The following STX17 variants were observed in gnomAD, a reference collection of about 807,000 sequenced individuals.
The protein encoded by STX17 is syntaxin-17.
In STX17, 29 loss-of-function variants were observed where a neutral mutation model predicts 35.9. The ratio of observed to expected loss-of-function variants is 0.81; its 90% CI spans 0.60 to 1.10. STX17 has a LOEUF of 1.10. STX17 is among the 50% of genes least tolerant of loss of function. The probability of loss-of-function intolerance (pLI) is 0.00; values close to 1 mark genes in which losing one functional copy is unlikely to be tolerated. For synonymous variants in STX17, 92 were observed against 118.3 expected (o/e 0.78, Z 1.44); for missense variants, 312 against 352.3 (o/e 0.89, Z 0.92).
chr9:99,960,408 A>G (rs185002219), intron 6 of STX17, among the ~76,000 whole-genome samples: 1 of 152,014 alleles, frequency 6.6e-6, no homozygotes, highest in Admixed American at 6.5e-5. Context: ...ATAGAAATAA[A>G]TGAAGCCCAT....
rs1040987604 is a variant in STX17 at position 99,972,614 on chromosome 9, C to CT, written c.*3942dup. ...GCCTTCCTGCCCTCCCTTAAGTGCT[C>CT]TAAGATTTTTGTACAGGAGTAAGAA... On this transcript the variant is annotated 3_prime_UTR_variant, in exon 8 of 8. Transcript: ENST00000259400. Among the ~76,000 whole-genome samples, 2 of 152,102 alleles carry CT rather than the reference C, an allele frequency of 1.3e-5. No individual in the cohort carries two copies. Among genetic ancestry groups the CT allele is most frequent in the African/African-American group, 4.8e-5 (2 of 41,412 alleles).
chr9:99,925,610 A>C (rs192028845), intron 2 of STX17, among the ~76,000 whole-genome samples: 1 of 152,226 alleles, frequency 6.6e-6, no homozygotes, highest in Non-Finnish European at 1.5e-5. Flanking sequence ...TTAAAAAACA[A>C]CTTTCTCTGG....
At chr9:99,938,892 A>C (rs1293937099) in intron 3 of STX17, among the ~76,000 whole-genome samples, 1 of 152,048 alleles carries the variant, frequency 6.6e-6, no homozygotes, top group African/African-American at 2.4e-5. Context: ...AATAGTGATG[A>C]TGTAGAACTT....
At chr9:99,918,808 T>G (rs1564058720) in intron 2 of STX17, among the ~76,000 whole-genome samples, 1 of 152,148 alleles carries the variant, frequency 6.6e-6, no homozygotes, top group Non-Finnish European at 1.5e-5. Flanking sequence ...CTGTTCAGTT[T>G]TAAGAAAGAG....
chr9:99,941,253 G>A (rs1327150020), intron 3 of STX17, among the ~76,000 whole-genome samples: 1 of 152,084 alleles, frequency 6.6e-6, no homozygotes, highest in East Asian at 1.9e-4. Context: ...GTGGCCTTGA[G>A]GATATATGAC....
At chr9:99,968,264 G>A (rs753295977) in intron 7 of STX17, among the ~76,000 whole-genome samples, 170 bp from the exon 8 acceptor site, 4 of 152,180 alleles carry the variant, frequency 2.6e-5, no homozygotes, top group Non-Finnish European at 4.4e-5. Context: ...TGGAGCAATT[G>A]CAGTACCTGT....
intron 6 of STX17, among the ~76,000 whole-genome samples, chr9:99,965,245 A>G (rs1564076263): frequency 6.7e-6 from 1 of 149,276 alleles, no homozygotes; most frequent in Non-Finnish European, 1.5e-5. Flanking sequence ...ATGAAAAAAT[A>G]TTTAAATTAT....
intron 2 of STX17, among the ~76,000 whole-genome samples, chr9:99,923,163 G>A (rs1015898247): frequency 6.6e-6 from 1 of 151,320 alleles, no homozygotes; most frequent in Non-Finnish European, 1.5e-5. Flanking sequence ...GGAGTATATG[G>A]GCAGGAATAT....
In STX17 at chr9:99,915,423, T is replaced by C. The variant is rs542531951; in HGVS notation, c.123+61T>C. 2.6e-6 allele frequency: 4 copies of C among 1,516,012 alleles called. No homozygotes were observed. In the East Asian group the frequency reaches 9.5e-5, roughly 36 times the overall value. 93.9% of individuals were successfully genotyped at this position (1,516,012 alleles called of 1,614,324 possible). A position where few individuals can be genotyped will look rare whatever the true frequency, so the allele number is the denominator to read the frequency against. On this transcript the variant is annotated intron_variant, in intron 2 of 7. Transcript: ENST00000259400. The stretch of plus-strand genomic sequence containing the variant: ...ACATAGTTTGATTTATATTGGTTGT[T>C]CATTTCAGCTAAATTTAGAATATTA...
At position 99,971,512 on chromosome 9, in the gene STX17, G is replaced by A. The variant is rs1830014585; in HGVS notation, c.*2839G>A. On this transcript the variant is annotated 3_prime_UTR_variant, in exon 8 of 8. Transcript: ENST00000259400. ...ACCAATGGGTTGCAACCCTTAGCTT[G>A]AAAAAAACACCCTCACAGAGGAACT... 6.6e-6 allele frequency among the ~76,000 whole-genome samples: 1 copy of A among 151,938 alleles called. No individual in the cohort carries two copies. Among genetic ancestry groups the A allele is most frequent in the African/African-American group, 2.4e-5 (1 of 41,368 alleles).
Position 99,968,587 on chromosome 9 carries a change from A to C in STX17, c.823A>C (p.Ile275Leu), listed in dbSNP as rs149538187. The C allele has an allele frequency of 2.5e-6, 4 of 1,613,840 alleles. No homozygotes were observed. In the African/African-American group the frequency reaches 5.3e-5, roughly 22 times the overall value. Residue 275 changes from isoleucine (I) to leucine (L), a missense_variant, in exon 8 of 8, where the codon ATA (isoleucine) becomes CTA (leucine). Physicochemically the swap from Ile to Leu is conservative, Grantham distance 5 (BLOSUM62 2). Coordinates refer to ENST00000259400, the MANE Select transcript of STX17 (RefSeq NM_017919.3). ...GTTGGGCTTCACAGGTGGAAAATTG[A>C]TACAAAGAAAGAAACAGAAAATGAT... ...GVLGFTGGKLIQRKKQKMMEK... is the reference protein window; with the variant it reads ...GVLGFTGGKLLQRKKQKMMEK...
chr9:99,921,887 T>C (rs1279090041), intron 2 of STX17, among the ~76,000 whole-genome samples: 1 of 152,094 alleles, frequency 6.6e-6, no homozygotes, highest in Non-Finnish European at 1.5e-5. Context: ...TTGTTTTTAT[T>C]TTCCTCTTAA....
chr9:99,971,288 CTT>C lies in STX17; in HGVS notation c.*2629_*2630del, dbSNP rs5899399. ...TGGATAAAGGCAGCAATCCTAAGGA[CTT>C]TTTTTTTTTTTTTAACATAATCTGA... On this transcript the variant is annotated 3_prime_UTR_variant, in exon 8 of 8. Transcript: ENST00000259400. Among the ~76,000 whole-genome samples, 57,747 of 147,064 alleles carry C rather than the reference CTT, an allele frequency of 0.39. 12,250 individuals are homozygous for C. Among genetic ancestry groups the C allele is most frequent in the East Asian group, 0.69 (3,464 of 5,022 alleles).
intron 4 of STX17, among the ~76,000 whole-genome samples, chr9:99,952,423 C>T (rs906704767): frequency 5.9e-5 from 9 of 152,308 alleles, no homozygotes; most frequent in Non-Finnish European, 1.3e-4. Flanking sequence ...CACTTTTACA[C>T]TGTTGGTGGG....
At chr9:99,955,327 C>G (rs1404894049) in intron 4 of STX17, among the ~76,000 whole-genome samples, 1 of 151,922 alleles carries the variant, frequency 6.6e-6, no homozygotes, top group Non-Finnish European at 1.5e-5. Flanking sequence ...TTTTATGAAA[C>G]ATGTAGATGG....
At chr9:99,946,479 T>C (rs1410274336) in intron 3 of STX17, among the ~76,000 whole-genome samples, 3 of 152,228 alleles carry the variant, frequency 2.0e-5, no homozygotes, top group Non-Finnish European at 4.4e-5. Flanking sequence ...GCTACTTTTA[T>C]ATAAATATTT....
At chr9:99,916,859 G>A (rs1054818306) in intron 2 of STX17, among the ~76,000 whole-genome samples, 10 of 152,032 alleles carry the variant, frequency 6.6e-5, no homozygotes, top group South Asian at 2.1e-4. Context: ...TTTCCTTTGA[G>A]GTTTGGCATG....
intron 3 of STX17, among the ~76,000 whole-genome samples, chr9:99,948,137 A>G (rs1170037013): frequency 6.6e-6 from 1 of 152,010 alleles, no homozygotes; most frequent in Non-Finnish European, 1.5e-5. Context: ...GAGATTCCCT[A>G]GTTGCCCTAT....
At chr9:99,920,180 A>G (rs973110011) in intron 2 of STX17, among the ~76,000 whole-genome samples, 4 of 152,222 alleles carry the variant, frequency 2.6e-5, no homozygotes, top group African/African-American at 9.6e-5. Flanking sequence ...GTGTTTGGTT[A>G]CCAGTGAACA....
Sources: allele counts gnomAD v4.1 joint callset (sites outside exome capture counted in the v4.1 genomes callset), GRCh38; gene constraint gnomAD v4.1.1; transcripts MANE v1.5; gene names NCBI Gene and HGNC (gene_info 2026-07-23, HGNC 2026-07-21).